Variants in ASTN2 observed in about 807,000 individuals in gnomAD.
ASTN2 encodes the protein astrotactin-2.
Under a neutral mutation model 139.8 loss-of-function variants are expected in ASTN2, and 54 were observed. That is an observed-to-expected ratio of 0.39 (90% CI 0.31 to 0.48). ASTN2 has a LOEUF of 0.48. Among genes scored for constraint, ASTN2 ranks in the 20% least tolerant of loss-of-function variants. The probability of loss-of-function intolerance (pLI) is 0.95; values close to 1 mark genes in which losing one functional copy is unlikely to be tolerated. For missense variants in ASTN2, 1,565 were observed against 1,725.1 expected (o/e 0.91, Z 1.64); for synonymous variants, 756 against 719.5 (o/e 1.05, Z -0.81).
intron 1 of ASTN2, among the ~76,000 whole-genome samples, chr9:117,387,318 T>C (rs1465177990): frequency 6.6e-6 from 1 of 152,190 alleles, no homozygotes; most frequent in Non-Finnish European, 1.5e-5. Context: ...GAGTTTTCAG[T>C]GAGTGAATGT....
At chr9:117,226,495 T>C (rs1425631926) in intron 2 of ASTN2, among the ~76,000 whole-genome samples, 1 of 152,156 alleles carries the variant, frequency 6.6e-6, no homozygotes. Flanking sequence ...GAAAAACATA[T>C]TGAGAAAGAA....
chr9:116,738,473 C>T (rs1463810671), intron 13 of ASTN2, among the ~76,000 whole-genome samples: 1 of 149,036 alleles, frequency 6.7e-6, no homozygotes, highest in Non-Finnish European at 1.5e-5. Flanking sequence ...GACTCCATCT[C>T]AGAAGAAAAA....
chr9:116,950,600 TAC>T (rs1260510226), intron 10 of ASTN2, among the ~76,000 whole-genome samples: 1 of 152,172 alleles, frequency 6.6e-6, no homozygotes, highest in Non-Finnish European at 1.5e-5. Flanking sequence ...CACGGGAAGT[TAC>T]AGTTTGTCAT....
At chr9:116,808,339 G>C (rs533595169) in intron 12 of ASTN2, among the ~76,000 whole-genome samples, 1 of 151,458 alleles carries the variant, frequency 6.6e-6, no homozygotes, top group South Asian at 2.1e-4. Context: ...ACATTTCTTT[G>C]AATCTGTCGA....
chr9:117,225,652 C>T (rs2133046014), intron 2 of ASTN2, among the ~76,000 whole-genome samples: 1 of 147,606 alleles, frequency 6.8e-6, no homozygotes, highest in South Asian at 2.2e-4. Context: ...AAGGTCATAC[C>T]TGGAAGCAGG....
intron 17 of ASTN2, among the ~76,000 whole-genome samples, chr9:116,644,446 C>T (rs1052804766): frequency 2.6e-5 from 4 of 152,142 alleles, no homozygotes; most frequent in African/African-American, 9.7e-5. Context: ...AATTTTTCTA[C>T]AGACAGCTGT....
At chr9:116,948,785 G>GTTTTTTTTTTTTGGTTTTT (rs1835471789) in intron 10 of ASTN2, among the ~76,000 whole-genome samples, 1 of 49,472 alleles carries the variant, frequency 2.0e-5, no homozygotes, top group Non-Finnish European at 3.4e-5. Flanking sequence ...ATAATTTGGT[G>GTTTTTTTTTTTTGGTTTTT]TTTTTTTTTT....
At chr9:116,842,259 G>A (rs1172525517) in intron 11 of ASTN2, among the ~76,000 whole-genome samples, 1 of 152,126 alleles carries the variant, frequency 6.6e-6, no homozygotes, top group Non-Finnish European at 1.5e-5. Context: ...AAGATGCAAG[G>A]AAGGAAATGA....
At chr9:117,383,838 G>A (rs1271520833) in intron 1 of ASTN2, among the ~76,000 whole-genome samples, 2 of 152,288 alleles carry the variant, frequency 1.3e-5, no homozygotes, top group South Asian at 4.2e-4. Flanking sequence ...GCAATTTGGG[G>A]AGATTTGTTA....
At chr9:117,046,905 T>C (rs916791016) in intron 5 of ASTN2, among the ~76,000 whole-genome samples, 4 of 152,220 alleles carry the variant, frequency 2.6e-5, no homozygotes, top group African/African-American at 9.6e-5. Flanking sequence ...AATGCTGCTA[T>C]TGGTATTTTT....
intron 1 of ASTN2, among the ~76,000 whole-genome samples, chr9:117,313,128 G>T (rs905283970): frequency 6.6e-6 from 1 of 152,174 alleles, no homozygotes; most frequent in Non-Finnish European, 1.5e-5. Flanking sequence ...GTGTTCACAC[G>T]TAACACCAGG....
intron 10 of ASTN2, among the ~76,000 whole-genome samples, chr9:116,926,504 A>G (rs1457733324): frequency 6.6e-6 from 1 of 152,178 alleles, no homozygotes; most frequent in Non-Finnish European, 1.5e-5. Flanking sequence ...TTACCTTGAT[A>G]AAACACATGT....
intron 7 of ASTN2, among the ~76,000 whole-genome samples, chr9:116,998,933 C>A (rs1373059165): frequency 6.6e-6 from 1 of 152,132 alleles, no homozygotes; most frequent in Non-Finnish European, 1.5e-5. Context: ...ACTTTAGTAA[C>A]ACAGAGCTCA....
chr9:117,118,371 C>T (rs1045701694), intron 4 of ASTN2, among the ~76,000 whole-genome samples: 3 of 151,862 alleles, frequency 2.0e-5, no homozygotes, highest in Non-Finnish European at 1.5e-5. Flanking sequence ...TTTTTCCTCT[C>T]CTAGAGGACA....
At chr9:116,828,125 T>C (rs940671048) in intron 11 of ASTN2, among the ~76,000 whole-genome samples, 1 of 151,946 alleles carries the variant, frequency 6.6e-6, no homozygotes, top group African/African-American at 2.4e-5. Context: ...TGAAACCCTG[T>C]CTCTACTAAA....
intron 17 of ASTN2, among the ~76,000 whole-genome samples, chr9:116,642,990 A>G (rs558368327): frequency 6.6e-6 from 1 of 152,290 alleles, no homozygotes; most frequent in African/African-American, 2.4e-5. Flanking sequence ...GGACTCAGAC[A>G]TTCTGGGTTT....
chr9:116,862,297 T>A (rs1832903573), intron 11 of ASTN2, among the ~76,000 whole-genome samples: 1 of 152,148 alleles, frequency 6.6e-6, no homozygotes. Flanking sequence ...TCTTTCTTTT[T>A]TCTTTATTTA....
At chr9:116,929,667 A>G (rs189508396) in intron 10 of ASTN2, among the ~76,000 whole-genome samples, 164 of 152,302 alleles carry the variant, frequency 1.1e-3, no homozygotes, top group Non-Finnish European at 1.7e-3. Context: ...GACTAATTGA[A>G]TTACTCTGGC....
chr9:116,849,536 T>G (rs778545563), intron 11 of ASTN2, among the ~76,000 whole-genome samples: 12 of 152,200 alleles, frequency 7.9e-5, no homozygotes, highest in Non-Finnish European at 1.5e-4. Flanking sequence ...CACCCTTTTT[T>G]TGAATACTGG....
Sources: gnomAD v4.1 joint callset for allele counts (sites outside exome capture counted in the v4.1 genomes callset) on GRCh38, gnomAD v4.1.1 for gene constraint, MANE v1.5 for transcripts, NCBI Gene and HGNC (gene_info 2026-07-23, HGNC 2026-07-21) for gene names.